The following ALDH1L1 variants were observed in gnomAD, a reference collection of about 807,000 sequenced individuals.
The protein encoded by ALDH1L1 is aldehyde dehydrogenase 1 family member L1, also known as cytosolic 10-formyltetrahydrofolate dehydrogenase.
In ALDH1L1, 68 loss-of-function variants were observed where a neutral mutation model predicts 101.1. The observed-to-expected ratio is 0.67, with a 90% CI of 0.55 to 0.82. The LOEUF (loss-of-function observed/expected upper bound fraction) is 0.82. ALDH1L1 is among the 40% of genes least tolerant of loss of function. The pLI is 0.00. For synonymous variants in ALDH1L1, 486 were observed against 470.8 expected (o/e 1.03, Z -0.42); for missense variants, 1,087 against 1,172.7 (o/e 0.93, Z 1.07).
intron 17 of ALDH1L1, 192 bp from the exon 18 acceptor site, chr3:126,114,848 A>G (rs1337578756): frequency 1.6e-6 from 1 of 610,970 alleles, no homozygotes. Flanking sequence ...TCTGGCCTGT[A>G]CACACCAGGC....
intron 13 of ALDH1L1, among the ~76,000 whole-genome samples, chr3:126,131,103 C>A (rs3821452): frequency 0.64 from 96,638 of 152,146 alleles, 30,795 homozygotes; most frequent in Middle Eastern, 0.7. Flanking sequence ...TGTCAACACC[C>A]GAACTCGTCT....
chr3:126,161,114 T>A, intron 1 of ALDH1L1, 112 bp from the exon 2 acceptor site: 1 of 1,244,798 alleles, frequency 8.0e-7, no homozygotes, highest in Non-Finnish European at 1.1e-6. Context: ...CCCAGTCCCC[T>A]CTGTGGCTCT....
At chr3:126,191,188 G>C (rs558799710) in intron 1 of ALDH1L1, among the ~76,000 whole-genome samples, 1 of 152,186 alleles carries the variant, frequency 6.6e-6, no homozygotes, top group Non-Finnish European at 1.5e-5. Flanking sequence ...GAGGCAAAAG[G>C]ATTTCATTAG....
upstream of ALDH1L1, among the ~76,000 whole-genome samples, chr3:126,183,005 A>C (rs930752343): frequency 6.6e-6 from 1 of 152,218 alleles, no homozygotes; most frequent in Non-Finnish European, 1.5e-5. Context: ...GCTTCTCCAG[A>C]TGTCATATGA....
At chr3:126,156,947 T>C (rs1213455395) in intron 4 of ALDH1L1, among the ~76,000 whole-genome samples, 1 of 152,096 alleles carries the variant, frequency 6.6e-6, no homozygotes, top group Non-Finnish European at 1.5e-5. Context: ...AAACTGAGAA[T>C]GAAACAAATC....
At position 126,125,697 on chromosome 3, in the gene ALDH1L1, C is replaced by T. The variant is rs2080168905; in HGVS notation, c.1719G>A (p.Trp573Ter). ...PVGVCGIIIP[W>*]NYPLMMLSWK... is the part of the protein sequence containing the mutation. ...AGGACAGCATCATCAGGGGATAGTT[C>T]CAGGGGATGATGATGCCACAAACCC... Residue 573 changes from tryptophan to a stop codon, truncating the protein, a stop_gained, in exon 15 of 23, where the codon TGG (tryptophan) becomes TGA (stop). Coordinates refer to ENST00000393434, the MANE Select transcript of ALDH1L1 (RefSeq NM_012190.4). LOFTEE classifies it high-confidence loss of function. 3.2e-6 allele frequency: 5 copies of T among 1,584,628 alleles called. No homozygotes were observed. The highest frequency in any genetic ancestry group is 4.3e-6 in the Non-Finnish European group (5 of 1,163,948).
At chr3:126,144,380 T>C (rs925852363) in intron 9 of ALDH1L1, among the ~76,000 whole-genome samples, 2 of 152,228 alleles carry the variant, frequency 1.3e-5, no homozygotes, top group African/African-American at 4.8e-5. Context: ...ATATGGACTA[T>C]CAAGGGACTG....
rs2080010371 is a variant in ALDH1L1, at chr3:126,118,085, G to C, written c.1902C>G (p.Gly634=). 6.2e-7 allele frequency: 1 copy of C among 1,613,266 alleles called. No individual in the cohort carries two copies. Among genetic ancestry groups the C allele is most frequent in the African/African-American group, 1.3e-5 (1 of 74,892 alleles). ...CATCAGGATGGTCTGAGAGTCTCTG[G>C]CCGACCAGGGAGCCTGTGGGCGGGA... ...NVLPGSGSLV[G]QRLSDHPDVR... The change falls in exon 17 of 23, where the codon GGC becomes GGG. Residue 634 remains glycine, a synonymous_variant. Coordinates refer to ENST00000393434, the MANE Select transcript of ALDH1L1 (RefSeq NM_012190.4).
upstream of ALDH1L1, chr3:126,180,707 A>C: frequency 7.2e-7 from 1 of 1,390,352 alleles, no homozygotes; most frequent in Non-Finnish European, 9.3e-7. Context: ...GCGGGAGCGC[A>C]GCGCACCCTC....
intron 19 of ALDH1L1, among the ~76,000 whole-genome samples, chr3:126,111,394 T>A (rs1477160088): frequency 6.6e-6 from 1 of 152,230 alleles, no homozygotes; most frequent in African/African-American, 2.4e-5. Context: ...CAACGACAGC[T>A]GTCCCACGAA....
chr3:126,182,568 G>A (rs767236060), upstream of ALDH1L1, among the ~76,000 whole-genome samples: 1 of 152,224 alleles, frequency 6.6e-6, no homozygotes, highest in Non-Finnish European at 1.5e-5. Context: ...TGCATGCCCT[G>A]TGTGTGGAAG....
At chr3:126,170,719 G>A (rs1440544251) in intron 1 of ALDH1L1, among the ~76,000 whole-genome samples, 1 of 152,184 alleles carries the variant, frequency 6.6e-6, no homozygotes, top group Non-Finnish European at 1.5e-5. Context: ...TGATAGAGCA[G>A]GAGTACTGTC....
At chr3:126,147,056 G>T in intron 8 of ALDH1L1, 130 bp from the exon 9 acceptor site, 1 of 806,962 alleles carries the variant, frequency 1.2e-6, no homozygotes. Flanking sequence ...GTACCTCCAA[G>T]TTGTTGCCTC....
At chr3:126,151,110 T>C (rs77275842) in intron 7 of ALDH1L1, 1 of 152,378 alleles carries the variant, frequency 6.6e-6, no homozygotes, top group South Asian at 2.1e-4. Context: ...TTTCACTTTG[T>C]TTTTAAGTGT....
chr3:126,110,891 G>C (rs1312285256), intron 19 of ALDH1L1, among the ~76,000 whole-genome samples: 1 of 152,132 alleles, frequency 6.6e-6, no homozygotes, highest in Non-Finnish European at 1.5e-5. Context: ...CTGAACACTG[G>C]CCTCACTTCC....
Position 126,137,867 on chromosome 3 carries a change from C to A in ALDH1L1, c.1170G>T (p.Leu390=). The A allele has an allele frequency of 6.2e-7, 1 of 1,614,218 alleles. No homozygotes were observed. Among genetic ancestry groups the A allele is most frequent in the South Asian group, 1.1e-5 (1 of 91,078 alleles). The stretch of plus-strand genomic sequence containing the variant: ...CGTCCCCTCGCAGCTTCCTCACTAA[C>A]AGCTGGATGAAGTCCCCAAAGGTGG... The part of the protein sequence containing the change: ...MASTFGDFIQ[L]LVRKLRGDDE... The change falls in exon 10 of 23, where the codon CTG becomes CTT. Residue 390 remains leucine (L), a synonymous_variant. Coordinates refer to ENST00000393434, the MANE Select transcript of ALDH1L1 (RefSeq NM_012190.4).
chr3:126,111,844 G>A (rs1946088320), intron 19 of ALDH1L1, among the ~76,000 whole-genome samples: 3 of 152,192 alleles, frequency 2.0e-5, no homozygotes, highest in African/African-American at 7.2e-5. Context: ...GGGGGGCGGT[G>A]CTCTTCGCGG....
rs75896736 is a variant in ALDH1L1, at chr3:126,195,158, A to G, written c.-24+2577T>C. 0.016 allele frequency among the ~76,000 whole-genome samples: 2,464 copies of G among 152,248 alleles called. 110 individuals carry two copies. The East Asian group carries it at 0.19, about 12-fold the overall frequency. On this transcript the variant is annotated intron_variant, in intron 1 of 2. Transcript: ENST00000509952. ...AATGTCTCCAAAGTAGGTAAGTTGAACAATTTCAAAAGTCAAAGCAGTTTA... is the reference window on the plus strand; with the variant it reads ...AATGTCTCCAAAGTAGGTAAGTTGAGCAATTTCAAAAGTCAAAGCAGTTTA...
chr3:126,130,248 T>G lies in ALDH1L1; in HGVS notation c.1669A>C (p.Thr557Pro). Residue 557 changes from threonine (T) to proline (P), a missense_variant, in exon 14 of 23, where the codon ACC (threonine) becomes CCC (proline). By Grantham distance (38) the Thr-to-Pro change is conservative (BLOSUM62 -1). This residue lies in a region of ALDH1L1 where 442 missense variants were observed against 535.7 expected (regional missense o/e 0.83). Coordinates refer to ENST00000393434, the MANE Select transcript of ALDH1L1 (RefSeq NM_012190.4). ...CCAACAGGCTCCTTCCTGGTCAAGG[T>G]CAGGTTGCGGTTGGGTCTGGCCTGG... ...INQARPNRNL[T>P]LTRKEPVGVC... 1.2e-6 allele frequency: 2 copies of G among 1,609,870 alleles called. No homozygotes were observed. Among genetic ancestry groups the G allele is most frequent in the Non-Finnish European group, 1.7e-6 (2 of 1,177,984 alleles).
Sources: allele counts gnomAD v4.1 joint callset (sites outside exome capture counted in the v4.1 genomes callset), GRCh38; gene constraint gnomAD v4.1.1; regional missense constraint gnomAD v4.1.1; transcripts MANE v1.5; gene names NCBI Gene and HGNC (gene_info 2026-07-23, HGNC 2026-07-21).